Variants in MYO16 observed in about 807,000 individuals in gnomAD.
MYO16 encodes myosin XVI, also known as unconventional myosin-XVI.
Under a neutral mutation model 205.3 loss-of-function variants are expected in MYO16, and 94 were observed. The observed-to-expected ratio is 0.46, with a 90% CI of 0.39 to 0.54. MYO16 has a LOEUF of 0.54. MYO16 is among the 20% of genes least tolerant of loss of function. The pLI is 0.00. For synonymous variants in MYO16, 988 were observed against 954.0 expected, an observed-to-expected ratio of 1.04 and a Z score of -0.66; for missense variants, 2,315 against 2,387.5, an observed-to-expected ratio of 0.97 and a Z score of 0.63.
At chr13:108,989,496 G>C (rs1228413868) in intron 20 of MYO16, among the ~76,000 whole-genome samples, 1 of 152,056 alleles carries the variant, frequency 6.6e-6, no homozygotes, top group Non-Finnish European at 1.5e-5. Context: ...TCTTTATACA[G>C]AATTTATATA....
chr13:108,527,249 GT>G, the MYO16 span, among the ~76,000 whole-genome samples: 7 of 151,234 alleles, frequency 4.6e-5, no homozygotes, highest in African/African-American at 1.5e-4. Flanking sequence ...TATAGGAAGG[GT>G]TTTTTTTTCT....
chr13:108,919,209 G>A (rs980797519), intron 16 of MYO16, among the ~76,000 whole-genome samples: 7 of 152,200 alleles, frequency 4.6e-5, no homozygotes, highest in African/African-American at 1.7e-4. Context: ...CCTGAGGCAG[G>A]GCAGGTGCTG....
At chr13:108,612,684 G>A (rs1258137006) in intron 1 of MYO16, among the ~76,000 whole-genome samples, 2 of 146,508 alleles carry the variant, frequency 1.4e-5, no homozygotes, top group Non-Finnish European at 3.0e-5. Flanking sequence ...AGAGGAAGGG[G>A]CACCATCTAT....
intron 1 of MYO16, among the ~76,000 whole-genome samples, chr13:108,656,236 C>T (rs1025783524): frequency 5.3e-5 from 8 of 152,128 alleles, no homozygotes; most frequent in African/African-American, 1.7e-4. Context: ...CCCCATACTA[C>T]TCTCGTGGTA....
intron 34 of MYO16, among the ~76,000 whole-genome samples, chr13:109,183,340 T>C (rs1297058880): frequency 6.6e-6 from 1 of 152,172 alleles, no homozygotes; most frequent in East Asian, 1.9e-4. Context: ...AAGCCCACGA[T>C]TTATAAATAG....
At chr13:108,636,764 A>G (rs995307495) in intron 1 of MYO16, among the ~76,000 whole-genome samples, 2 of 152,148 alleles carry the variant, frequency 1.3e-5, no homozygotes, top group Admixed American at 1.3e-4. Context: ...TAAGATCTAG[A>G]GCTTTATAGT....
intron 3 of MYO16, 62 bp from the exon 4 acceptor site, chr13:108,727,378 T>C (rs1331737085): frequency 6.6e-7 from 1 of 1,524,348 alleles, no homozygotes; most frequent in Non-Finnish European, 8.9e-7. Flanking sequence ...TCTGTGGACA[T>C]TTGGAATAAG....
intron 20 of MYO16, among the ~76,000 whole-genome samples, chr13:108,973,854 T>G (rs1206752984): frequency 6.6e-6 from 1 of 152,146 alleles, no homozygotes; most frequent in Non-Finnish European, 1.5e-5. Context: ...CTTCATTAGG[T>G]GAGACTTGTT....
At chr13:108,869,569 A>G (rs1448361673) in intron 12 of MYO16, among the ~76,000 whole-genome samples, 1 of 7,510 alleles carries the variant, frequency 1.3e-4, no homozygotes, top group Non-Finnish European at 3.2e-4. Context: ...CTAAAAATAC[A>G]AAAAAAAAAA....
intron 23 of MYO16, among the ~76,000 whole-genome samples, chr13:109,032,864 A>G (rs1399049676): frequency 6.6e-6 from 1 of 152,180 alleles, no homozygotes; most frequent in Non-Finnish European, 1.5e-5. Flanking sequence ...TATATGTGAG[A>G]TACTGTAATT....
chr13:108,694,660 G>T (rs529616834), intron 2 of MYO16, among the ~76,000 whole-genome samples: 2 of 151,854 alleles, frequency 1.3e-5, no homozygotes, highest in African/African-American at 2.4e-5. Flanking sequence ...TCATTCTGTG[G>T]GTTTTTAACA....
chr13:108,980,698 A>G (rs917103439), intron 20 of MYO16, among the ~76,000 whole-genome samples: 2 of 152,240 alleles, frequency 1.3e-5, no homozygotes, highest in African/African-American at 2.4e-5. Context: ...ACTTTGAACT[A>G]TTCTCTCTTC....
intron 34 of MYO16, among the ~76,000 whole-genome samples, chr13:109,201,938 T>C (rs1880410314): frequency 6.6e-6 from 1 of 152,082 alleles, no homozygotes; most frequent in Non-Finnish European, 1.5e-5. Flanking sequence ...TTACTTTTTA[T>C]GCCAGAGTAG....
Position 109,127,358 on chromosome 13 carries a change from C to T in MYO16, c.3859C>T (p.Gln1287Ter). Residue 1287 changes from glutamine (Q) to a stop codon, truncating the protein, a stop_gained, in exon 31 of 35, where the codon CAG becomes TAG. Transcript: ENST00000457511. LOFTEE classifies it high-confidence loss of function. This position sits in a 1 kb window ranked among gnomAD's most constrained non-coding sequence, Gnocchi z 4.2. ...CTGCGCGGCCGTGGATGGCCTGGGC[C>T]AGTGCCTCGTTGGCCCGTCCATCTG... ...SVCAAVDGLG[Q>*]CLVGPSIWSP... is the part of the protein sequence containing the mutation. The T allele has an allele frequency of 6.2e-7, 1 of 1,613,618 alleles. No individual in the cohort carries two copies.
chr13:109,051,411 C>A (rs1256997313), intron 24 of MYO16, among the ~76,000 whole-genome samples: 1 of 152,096 alleles, frequency 6.6e-6, no homozygotes, highest in Non-Finnish European at 1.5e-5. Flanking sequence ...TAAGCGTGAT[C>A]CTAGTGATTT....
At chr13:108,540,885 T>C in the MYO16 span, among the ~76,000 whole-genome samples, 1 of 152,200 alleles carries the variant, frequency 6.6e-6, no homozygotes, top group Non-Finnish European at 1.5e-5. Context: ...AAGTCCTGTC[T>C]TATTCACAAA....
intron 13 of MYO16, among the ~76,000 whole-genome samples, chr13:108,884,487 C>G (rs1879765327): frequency 6.6e-6 from 1 of 152,046 alleles, no homozygotes; most frequent in Non-Finnish European, 1.5e-5. Context: ...GGCGCTGAGG[C>G]AGGGAATTCC....
At chr13:109,017,231 T>C (rs1037874783) in intron 22 of MYO16, among the ~76,000 whole-genome samples, 4 of 152,184 alleles carry the variant, frequency 2.6e-5, no homozygotes, top group Non-Finnish European at 5.9e-5. Context: ...TGAAGCTTAG[T>C]TTGGCTGGAT....
chr13:109,108,648 T>C (rs554681883), intron 28 of MYO16, among the ~76,000 whole-genome samples: 12 of 152,288 alleles, frequency 7.9e-5, no homozygotes, highest in African/African-American at 1.7e-4. Context: ...TTTAAACTAA[T>C]AAATAATCAC....
Sources: gnomAD v4.1 joint callset for allele counts (sites outside exome capture counted in the v4.1 genomes callset) on GRCh38, gnomAD v4.1.1 for gene constraint, Gnocchi (gnomAD v3.1) non-coding constraint, MANE v1.5 for transcripts, NCBI Gene and HGNC (gene_info 2026-07-23, HGNC 2026-07-21) for gene names.